Variants in COL18A1 observed in about 807,000 individuals in gnomAD.
COL18A1 encodes collagen alpha-1(XVIII) chain.
Under a neutral mutation model 168.0 loss-of-function variants are expected in COL18A1, and 133 were observed. The observed-to-expected ratio is 0.79, with a 90% CI of 0.69 to 0.91. The LOEUF (loss-of-function observed/expected upper bound fraction) is 0.91, where lower values mean the gene tolerates loss of function less well. Ranked by LOEUF, COL18A1 falls within the 40% of genes least tolerant of loss-of-function variation. COL18A1 has a pLI of 0.00. For synonymous variants in COL18A1, 949 were observed against 809.0 expected (o/e 1.17, Z -2.94); for missense variants, 2,126 against 1,925.4 (o/e 1.10, Z -1.95).
In COL18A1 at chr21:45,491,313, A is replaced by G; in HGVS notation, c.2156A>G (p.Asp719Gly). ...CCTGTGGTCTACGTGTCGGAGCAGGACGTAAGGACGCTGCGTGGGTGGGCA... is the reference window on the plus strand; with the variant it reads ...CCTGTGGTCTACGTGTCGGAGCAGGGCGTAAGGACGCTGCGTGGGTGGGCA... The part of the protein sequence containing the change: ...PGPVVYVSEQ[D>G]GSVLSVPGPE... The change falls in exon 22 of 42, where the codon GAC (aspartate) becomes GGC (glycine). Residue 719 changes from aspartate (D) to glycine (G), a missense_variant and splice_region_variant. Transcript: ENST00000651438. The G allele has an allele frequency of 1.9e-6, 3 of 1,610,274 alleles. No homozygotes were observed. The highest frequency in any genetic ancestry group is 2.5e-6 in the Non-Finnish European group (3 of 1,178,196).
chr21:45,456,062 C>G lies in COL18A1; in HGVS notation c.107-12180C>G, dbSNP rs773218086. Reference sequence around the variant, plus strand: ...GCCCAGCCGTGGCATTCCTAGCTCTCCGGGCGCCCACACAACCGAGGCTGG... The same window carrying G: ...GCCCAGCCGTGGCATTCCTAGCTCTGCGGGCGCCCACACAACCGAGGCTGG... On this transcript the variant is annotated intron_variant, in intron 2 of 41. Coordinates refer to ENST00000651438, the MANE Select transcript of COL18A1 (RefSeq NM_001379500.1). The G allele has an allele frequency of 6.2e-7, 1 of 1,605,598 alleles. No individual in the cohort carries two copies. Among genetic ancestry groups the G allele is most frequent in the Non-Finnish European group, 8.5e-7 (1 of 1,174,352 alleles).
chr21:45,464,421 C>T (rs973751071), intron 2 of COL18A1, among the ~76,000 whole-genome samples: 1 of 152,230 alleles, frequency 6.6e-6, no homozygotes, highest in South Asian at 2.1e-4. Flanking sequence ...GTCCCACTAA[C>T]CACGGCCACC....
chr21:45,444,652 G>T (rs1382976122), intron 2 of COL18A1, among the ~76,000 whole-genome samples: 1 of 152,108 alleles, frequency 6.6e-6, no homozygotes, highest in Non-Finnish European at 1.5e-5. Context: ...GAGGCTCCGG[G>T]GAGTGGAGGC....
Position 45,512,491 on chromosome 21 carries a change from G to C in COL18A1, c.*93G>C, listed in dbSNP as rs2037670302. Reference sequence around the variant, plus strand: ...AGCGGCCGGCCAGCCCCTGGCCCCAGGACCTGGCTGCCATACTTTCCTGTA... The same window carrying C: ...AGCGGCCGGCCAGCCCCTGGCCCCACGACCTGGCTGCCATACTTTCCTGTA... On this transcript the variant is annotated 3_prime_UTR_variant, in exon 42 of 42. Transcript: ENST00000651438. 2 of 1,186,810 alleles carry C rather than the reference G, an allele frequency of 1.7e-6. No individual in the cohort carries two copies. Among genetic ancestry groups the C allele is most frequent in the African/African-American group, 3.0e-5 (2 of 66,526 alleles). 73.5% of individuals were successfully genotyped at this position (1,186,810 alleles called of 1,614,324 possible). A position where few individuals can be genotyped will look rare whatever the true frequency, so the allele number is the denominator to read the frequency against.
At position 45,498,727 on chromosome 21, in the gene COL18A1, A is replaced by G; in HGVS notation, c.2683+1066A>G. On this transcript the variant is annotated intron_variant, in intron 32 of 41. Coordinates refer to ENST00000651438, the MANE Select transcript of COL18A1 (RefSeq NM_001379500.1). The surrounding 1 kb of genome is among the most constrained non-coding windows in gnomAD (Gnocchi z 4.5). ...CCAGGAAGGAGTGAATGATGCACAG[A>G]TGACCAGAAACCAGGAGAAGAGGCC... 1 of 617,756 alleles carries G rather than the reference A, an allele frequency of 1.6e-6. No homozygotes were observed. Among genetic ancestry groups the G allele is most frequent in the Non-Finnish European group, 2.9e-6 (1 of 343,910 alleles). 38.3% of individuals were successfully genotyped at this position (617,756 alleles called of 1,614,324 possible).
rs150817819 is a variant in COL18A1 at position 45,467,550 on chromosome 21, G to A, written c.107-692G>A. On this transcript the variant is annotated intron_variant, in intron 2 of 41. Coordinates refer to ENST00000651438, the MANE Select transcript of COL18A1 (RefSeq NM_001379500.1). The stretch of plus-strand genomic sequence containing the variant: ...TGGCCCAGCAGGTGAGCCGGTGACC[G>A]ACAGCGCTGGGTGAAATCCCGCACC... 5,310 of 619,548 alleles carry A rather than the reference G, an allele frequency of 8.6e-3. 32 individuals are homozygous for A. The highest frequency in any genetic ancestry group is 0.01 in the Non-Finnish European group (5,011 of 495,672). The allele number at this position is 619,548 out of a possible 1,614,324, so 38.4% of individuals were successfully genotyped here.
At chr21:45,492,197 G>T (rs999863542) in intron 22 of COL18A1, among the ~76,000 whole-genome samples, 1 of 152,226 alleles carries the variant, frequency 6.6e-6, no homozygotes, top group African/African-American at 2.4e-5. Flanking sequence ...CAGGGACCTC[G>T]GCGTGACGGT....
chr21:45,483,779 T>C (rs1568912885), intron 15 of COL18A1, among the ~76,000 whole-genome samples: 1 of 151,088 alleles, frequency 6.6e-6, no homozygotes, highest in Non-Finnish European at 1.5e-5. Flanking sequence ...GGGAGAGGAG[T>C]GAGGAAGAGG....
At chr21:45,496,344 C>G (rs772688790) in intron 29 of COL18A1, 156 bp from the exon 30 acceptor site, 1 of 723,962 alleles carries the variant, frequency 1.4e-6, no homozygotes, top group South Asian at 1.5e-5. Context: ...CTCAGGGAGC[C>G]GTGGCCCGAG....
At chr21:45,428,311 C>G (rs1163735548) in intron 2 of COL18A1, among the ~76,000 whole-genome samples, 1 of 152,184 alleles carries the variant, frequency 6.6e-6, no homozygotes, top group Admixed American at 6.5e-5. Flanking sequence ...GCACCCTCAG[C>G]TGACCCGGCG....
rs1210100051 is a variant in COL18A1 at position 45,437,945 on chromosome 21, GAC to G, written c.107-30291_107-30290del. 9.9e-3 allele frequency among the ~76,000 whole-genome samples: 105 copies of G among 10,612 alleles called. 14 individuals are homozygous for G. Among genetic ancestry groups the G allele is most frequent in the Admixed American group, 0.013 (12 of 956 alleles). 7.0% of individuals were successfully genotyped at this position (10,612 alleles called of 152,430 possible). A position where few individuals can be genotyped will look rare whatever the true frequency, so the allele number is the denominator to read the frequency against. On this transcript the variant is annotated intron_variant, in intron 2 of 41. Coordinates refer to ENST00000651438, the MANE Select transcript of COL18A1 (RefSeq NM_001379500.1). Reference sequence around the variant, plus strand: ...TCCTGCACACACACACACACACTCAGACACACAGGCACTCTCCTGCACACACA... The same window carrying G: ...TCCTGCACACACACACACACACTCAGACACAGGCACTCTCCTGCACACACA...
At position 45,476,388 on chromosome 21, in the gene COL18A1, CCGT is replaced by C; in HGVS notation, c.838_840del (p.Val280del). On this transcript the variant is annotated inframe_deletion, in exon 6 of 42. Transcript: ENST00000651438. ...AAACCCAGGCTCCCCGCGCCACCCC[CCGT>C]CACCACGCCACCCTTGGCTGGAGGC... The C allele has an allele frequency of 6.2e-7, 1 of 1,614,114 alleles. No individual in the cohort carries two copies. The highest frequency in any genetic ancestry group is 8.5e-7 in the Non-Finnish European group (1 of 1,180,014).
intron 31 of COL18A1, 84 bp downstream of exon 31, chr21:45,497,176 G>GT (rs1342863046): frequency 1.1e-6 from 1 of 911,080 alleles, no homozygotes; most frequent in Non-Finnish European, 1.8e-6. Context: ...GCCAGCAGCA[G>GT]TGAGACTCCC....
At chr21:45,482,390 C>A (rs767737483) in intron 14 of COL18A1, 2 of 638,156 alleles carry the variant, frequency 3.1e-6, no homozygotes, top group African/African-American at 3.5e-5. Flanking sequence ...GCGGGAGTCG[C>A]CTGCGTCTGG....
In COL18A1 at chr21:45,412,403, AT is replaced by A. The variant is rs770343136; in HGVS notation, c.106+6946del. 8.6e-3 allele frequency among the ~76,000 whole-genome samples: 1,208 copies of A among 140,054 alleles called. 2 individuals carry two copies. The highest frequency in any genetic ancestry group is 0.012 in the South Asian group (54 of 4,350). The allele number at this position is 140,054 out of a possible 152,430, so 91.9% of individuals were successfully genotyped here. ...AGGTGTGGGCCACCACGCCTGGCTA[AT>A]TTTTTTTTTTTTTTTAAAGTAGAGA... On this transcript the variant is annotated intron_variant, in intron 2 of 41. Coordinates refer to ENST00000651438, the MANE Select transcript of COL18A1 (RefSeq NM_001379500.1).
Position 45,443,839 on chromosome 21 carries a change from A to G in COL18A1, c.107-24403A>G, listed in dbSNP as rs1283637818. On this transcript the variant is annotated intron_variant, in intron 2 of 41. Coordinates refer to ENST00000651438, the MANE Select transcript of COL18A1 (RefSeq NM_001379500.1). This position sits in a 1 kb window ranked among gnomAD's most constrained non-coding sequence, Gnocchi z 5.2. The stretch of plus-strand genomic sequence containing the variant: ...AGCACTAAGGAGAGATGCCTGCTGC[A>G]TGATCCCCTAGATGCGTCCGAGGGA... Among the ~76,000 whole-genome samples the G allele has an allele frequency of 2.0e-5, 3 of 152,326 alleles. No individual in the cohort carries two copies. The highest frequency in any genetic ancestry group is 4.1e-4 in the South Asian group (2 of 4,832).
chr21:45,470,080 T>C (rs1284232775), intron 3 of COL18A1, among the ~76,000 whole-genome samples: 1 of 152,198 alleles, frequency 6.6e-6, no homozygotes, highest in Non-Finnish European at 1.5e-5. Flanking sequence ...TGCCGAGAGC[T>C]CGGTACGTGG....
chr21:45,425,851 A>G lies in COL18A1; in HGVS notation c.106+20378A>G, dbSNP rs974681000. Among the ~76,000 whole-genome samples the G allele has an allele frequency of 1.3e-5, 2 of 152,138 alleles. No individual in the cohort carries two copies. The highest frequency in any genetic ancestry group is 4.8e-5 in the African/African-American group (2 of 41,418). On this transcript the variant is annotated intron_variant, in intron 2 of 41. Coordinates refer to ENST00000651438, the MANE Select transcript of COL18A1 (RefSeq NM_001379500.1). The surrounding 1 kb of genome is among the most constrained non-coding windows in gnomAD (Gnocchi z 4.1). ...CACATTTATCCCAAGTTAGAACAGC[A>G]CATCTGTGCGTGCAAACTTCATTCT...
In COL18A1 at chr21:45,498,559, T is replaced by C; in HGVS notation, c.2683+898T>C. The stretch of plus-strand genomic sequence containing the variant: ...CTCTTGCTGGGGCTGCACTCTGGGG[T>C]GGGAAGGGACCAGGCAGGCAGAGGC... On this transcript the variant is annotated intron_variant, in intron 32 of 41. Transcript: ENST00000651438. This position sits in a 1 kb window ranked among gnomAD's most constrained non-coding sequence, Gnocchi z 4.5. 1.4e-6 allele frequency: 1 copy of C among 716,418 alleles called. No homozygotes were observed. The highest frequency in any genetic ancestry group is 2.6e-6 in the Non-Finnish European group (1 of 384,860). 44.4% of individuals were successfully genotyped at this position (716,418 alleles called of 1,614,324 possible). A position where few individuals can be genotyped will look rare whatever the true frequency, so the allele number is the denominator to read the frequency against.
Sources: gnomAD v4.1 joint callset for allele counts (sites outside exome capture counted in the v4.1 genomes callset) on GRCh38, gnomAD v4.1.1 for gene constraint, Gnocchi (gnomAD v3.1) non-coding constraint, MANE v1.5 for transcripts, NCBI Gene and HGNC (gene_info 2026-07-23, HGNC 2026-07-21) for gene names.